The following LUZP2 variants were observed in gnomAD, a reference collection of about 807,000 sequenced individuals.
LUZP2 encodes the protein leucine zipper protein 2.
Under a neutral mutation model 51.6 loss-of-function variants are expected in LUZP2, and 52 were observed. The observed-to-expected ratio is 1.01, with a 90% CI of 0.81 to 1.27. The LOEUF is 1.27. Among genes scored for constraint, LUZP2 ranks in the 50% most tolerant of loss-of-function variants. LUZP2 has a pLI of 0.00. For synonymous variants in LUZP2, 154 were observed against 137.3 expected, an observed-to-expected ratio of 1.12 and a Z score of -0.85; for missense variants, 436 against 395.4, an observed-to-expected ratio of 1.10 and a Z score of -0.87.
At chr11:24,810,980 T>G (rs1174134333) in intron 5 of LUZP2, among the ~76,000 whole-genome samples, 1 of 152,166 alleles carries the variant, frequency 6.6e-6, no homozygotes, top group African/African-American at 2.4e-5. Flanking sequence ...TGGGAGTTCA[T>G]GACAAGTAGT....
intron 4 of LUZP2, among the ~76,000 whole-genome samples, chr11:24,755,163 A>C (rs192937382): frequency 2.2e-3 from 330 of 151,824 alleles, no homozygotes; most frequent in African/African-American, 7.4e-3. Flanking sequence ...GAAAAAAAAA[A>C]CACACACACA....
At chr11:24,726,453 C>G (rs1012871897) in intron 1 of LUZP2, among the ~76,000 whole-genome samples, 1 of 151,452 alleles carries the variant, frequency 6.6e-6, no homozygotes, top group Non-Finnish European at 1.5e-5. Context: ...CTACTAAATA[C>G]CCACAAAAAT....
intron 9 of LUZP2, among the ~76,000 whole-genome samples, chr11:24,992,624 T>C (rs1856383043): frequency 6.6e-6 from 1 of 152,152 alleles, no homozygotes; most frequent in East Asian, 1.9e-4. Context: ...TAAAAGGACA[T>C]GTCAGAGTTA....
chr11:25,051,497 A>AT (rs1858513515), intron 10 of LUZP2, among the ~76,000 whole-genome samples: 2 of 152,284 alleles, frequency 1.3e-5, no homozygotes, highest in East Asian at 1.9e-4. Flanking sequence ...AGGAAGGAAG[A>AT]TTTTTACTAT....
chr11:24,572,711 T>C (rs1275038660), intron 1 of LUZP2, among the ~76,000 whole-genome samples: 1 of 152,030 alleles, frequency 6.6e-6, no homozygotes, highest in Non-Finnish European at 1.5e-5. Context: ...TGGATTATAA[T>C]ATCCTCAGTG....
chr11:24,786,391 G>A lies in LUZP2; in HGVS notation c.396+23083G>A, dbSNP rs557718162. The A allele has an allele frequency of 1.9e-3, 1,833 of 981,746 alleles. 6 individuals are homozygous for A. Among genetic ancestry groups the A allele is most frequent in the Middle Eastern group, 2.6e-3 (5 of 1,902 alleles). The allele number at this position is 981,746 out of a possible 1,614,324, so 60.8% of individuals were successfully genotyped here. A position where few individuals can be genotyped will look rare whatever the true frequency, so the allele number is the denominator to read the frequency against. On this transcript the variant is annotated intron_variant, in intron 5 of 11. Coordinates refer to ENST00000336930, the MANE Select transcript of LUZP2 (RefSeq NM_001009909.4). The stretch of plus-strand genomic sequence containing the variant: ...TGACCCTTCTATATAAATAATATGG[G>A]ATGTTTTTCTTTCCACTTAGTATAC...
intron 1 of LUZP2, among the ~76,000 whole-genome samples, chr11:24,567,992 C>T (rs1852297370): frequency 6.6e-6 from 1 of 151,998 alleles, no homozygotes; most frequent in Non-Finnish European, 1.5e-5. Context: ...TAAAATAAAA[C>T]ATCTAAACAA....
chr11:24,527,548 G>A, intron 1 of LUZP2, among the ~76,000 whole-genome samples: 1 of 119,328 alleles, frequency 8.4e-6, no homozygotes, highest in Admixed American at 9.5e-5. Context: ...TGTTAAATAA[G>A]AATCTCTCTC....
chr11:24,918,628 T>C (rs1853882937), intron 7 of LUZP2, among the ~76,000 whole-genome samples: 1 of 150,602 alleles, frequency 6.6e-6, no homozygotes, highest in South Asian at 2.1e-4. Context: ...ATTTGACAAA[T>C]GTAATTCTTT....
intron 4 of LUZP2, among the ~76,000 whole-genome samples, chr11:24,760,011 G>T (rs1009902195): frequency 6.6e-5 from 10 of 152,080 alleles, no homozygotes; most frequent in Non-Finnish European, 1.5e-4. Context: ...ACATTGGTTT[G>T]GTCCAGAAAG....
At chr11:24,940,489 G>T (rs535666416) in intron 7 of LUZP2, among the ~76,000 whole-genome samples, 1 of 152,164 alleles carries the variant, frequency 6.6e-6, no homozygotes, top group East Asian at 1.9e-4. Context: ...TTAATACTTT[G>T]TCAATAACAG....
Position 24,602,378 on chromosome 11 carries a change from A to G in LUZP2, c.62+105073A>G, listed in dbSNP as rs899053366. Reference sequence around the variant, plus strand: ...TCTCTTTTAAAGTGTGTGTGTGTATATATATATATACACACACACACACAC... The same window carrying G: ...TCTCTTTTAAAGTGTGTGTGTGTATGTATATATATACACACACACACACAC... On this transcript the variant is annotated intron_variant, in intron 1 of 11. Transcript: ENST00000336930. Among the ~76,000 whole-genome samples the G allele has an allele frequency of 1.2e-4, 6 of 51,984 alleles. No homozygotes were observed. In the South Asian group the frequency reaches 4.7e-3, roughly 40 times the overall value. The allele number at this position is 51,984 out of a possible 152,430, so 34.1% of individuals were successfully genotyped here. A position where few individuals can be genotyped will look rare whatever the true frequency, so the allele number is the denominator to read the frequency against.
chr11:24,827,544 C>A (rs1344065199), intron 5 of LUZP2, among the ~76,000 whole-genome samples: 1 of 152,050 alleles, frequency 6.6e-6, no homozygotes, highest in African/African-American at 2.4e-5. Context: ...AGGAAAAGTA[C>A]ATTCAAAGGT....
At chr11:24,522,449 G>T (rs1283512787) in intron 1 of LUZP2, among the ~76,000 whole-genome samples, 2 of 151,888 alleles carry the variant, frequency 1.3e-5, no homozygotes. Flanking sequence ...GAGTCTAAGT[G>T]CATCCGTAAG....
intron 1 of LUZP2, among the ~76,000 whole-genome samples, chr11:24,687,749 C>G (rs2133882638): frequency 6.6e-6 from 1 of 152,262 alleles, no homozygotes; most frequent in East Asian, 1.9e-4. Context: ...AACTGAAACT[C>G]AGTAACATCT....
At chr11:24,773,063 T>C (rs1318796327) in intron 5 of LUZP2, among the ~76,000 whole-genome samples, 1 of 142,396 alleles carries the variant, frequency 7.0e-6, no homozygotes, top group East Asian at 2.1e-4. Flanking sequence ...ATTTTGTATA[T>C]TCCTCATAAA....
chr11:24,885,440 T>C (rs1031935153), intron 5 of LUZP2, among the ~76,000 whole-genome samples: 1 of 152,128 alleles, frequency 6.6e-6, no homozygotes, highest in African/African-American at 2.4e-5. Context: ...CTCAAGATGT[T>C]ACAAAATGTG....
At chr11:24,821,715 G>T (rs577603501) in intron 5 of LUZP2, among the ~76,000 whole-genome samples, 2 of 151,890 alleles carry the variant, frequency 1.3e-5, no homozygotes, top group Non-Finnish European at 2.9e-5. Flanking sequence ...ATGATGAAAG[G>T]TTTAAAAAAT....
At chr11:24,829,226 G>T (rs1850626308) in intron 5 of LUZP2, among the ~76,000 whole-genome samples, 1 of 152,076 alleles carries the variant, frequency 6.6e-6, no homozygotes, top group Non-Finnish European at 1.5e-5. Flanking sequence ...ACAGATGAAG[G>T]AAAGAGAGAA....
Sources: allele counts gnomAD v4.1 joint callset (sites outside exome capture counted in the v4.1 genomes callset), GRCh38; gene constraint gnomAD v4.1.1; transcripts MANE v1.5; gene names NCBI Gene and HGNC (gene_info 2026-07-23, HGNC 2026-07-21).